PPFIBP1: variants seen among roughly 807,000 people sequenced by gnomAD.
PPFIBP1 encodes PPFIB scaffold protein 1.
Under a neutral mutation model 137.8 loss-of-function variants are expected in PPFIBP1, and 112 were observed. The observed-to-expected ratio is 0.81, with a 90% CI of 0.70 to 0.95. The LOEUF is 0.95. Among genes scored for constraint, PPFIBP1 ranks in the 40% least tolerant of loss-of-function variants. The probability of loss-of-function intolerance (pLI) is 0.00; values close to 1 mark genes in which losing one functional copy is unlikely to be tolerated. For synonymous variants in PPFIBP1, 378 were observed against 417.3 expected, an observed-to-expected ratio of 0.91 and a Z score of 1.15; for missense variants, 1,083 against 1,196.6, an observed-to-expected ratio of 0.91 and a Z score of 1.40.
chr12:27,670,794 A>AAATAATAATAAT (rs1555238677), intron 13 of PPFIBP1, among the ~76,000 whole-genome samples: 9 of 139,420 alleles, frequency 6.5e-5, no homozygotes, highest in African/African-American at 2.4e-4. Flanking sequence ...AAAAAAAAAA[A>AAATAATAATAAT]AATAATAATA....
intron 2 of PPFIBP1, among the ~76,000 whole-genome samples, chr12:27,600,467 A>G (rs910999433): frequency 6.6e-6 from 1 of 152,030 alleles, no homozygotes; most frequent in Non-Finnish European, 1.5e-5. Context: ...AGAAGAATAC[A>G]TTAACATACA....
At chr12:27,530,548 G>A (rs1362964726) in intron 1 of PPFIBP1, among the ~76,000 whole-genome samples, 2 of 152,192 alleles carry the variant, frequency 1.3e-5, no homozygotes, top group Non-Finnish European at 2.9e-5. Flanking sequence ...AAGGGAATTT[G>A]ATTCTCTAGG....
intron 24 of PPFIBP1, among the ~76,000 whole-genome samples, chr12:27,683,290 C>T (rs2060993430): frequency 1.3e-5 from 2 of 152,208 alleles, no homozygotes; most frequent in Non-Finnish European, 2.9e-5. Context: ...GTCTCAAACT[C>T]CTGACCTCAA....
Position 27,677,072 on chromosome 12 carries a change from CG to C in PPFIBP1, c.1592del (p.Arg531GlnfsTer8). 1 of 1,614,154 alleles carries C rather than the reference CG, an allele frequency of 6.2e-7. No individual in the cohort carries two copies. On this transcript the variant is annotated frameshift_variant, in exon 19 of 30. Transcript: ENST00000228425. LOFTEE classifies it high-confidence loss of function. Reference protein sequence around the residue: ...TASAPNLDRKRSASAPTLAET... With the variant: ...TASAPNLDRKXSASAPTLAET... ...TGTTGGGATATCTGAAGATCGTAAACGAAGTGCCAGTGCACCCACCCTAGGT... is the reference window on the plus strand; with the variant it reads ...TGTTGGGATATCTGAAGATCGTAAACAAGTGCCAGTGCACCCACCCTAGGT...
chr12:27,567,729 A>G (rs1269083501), intron 1 of PPFIBP1, among the ~76,000 whole-genome samples: 1 of 152,216 alleles, frequency 6.6e-6, no homozygotes, highest in South Asian at 2.1e-4. Flanking sequence ...AACTTAAGCA[A>G]TAAATTAATT....
At chr12:27,672,396 T>TA (rs1401737651) in intron 14 of PPFIBP1, 31 bp from the exon 15 acceptor site, 1 of 1,560,710 alleles carries the variant, frequency 6.4e-7, no homozygotes. Context: ...TTCGTGAAGT[T>TA]AATAAATACC....
In PPFIBP1 at chr12:27,559,273, G is replaced by A. The variant is rs567665691; in HGVS notation, c.-123-18879G>A. Among the ~76,000 whole-genome samples the A allele has an allele frequency of 8.6e-5, 13 of 151,946 alleles. 1 individual carries two copies. The highest frequency in any genetic ancestry group is 1.9e-4 in the African/African-American group (8 of 41,432). ...AAGCCCCGCCTCCCAGGTTCATGCC[G>A]TTCTCCTGCCTCAGCCTGCTGAGTA... On this transcript the variant is annotated intron_variant, in intron 1 of 29. Transcript: ENST00000228425.
At chr12:27,644,244 G>GTTTTTTTTTTTTTTTTTTTTTTTT (rs3842650) in intron 4 of PPFIBP1, among the ~76,000 whole-genome samples, 41 of 117,758 alleles carry the variant, frequency 3.5e-4, no homozygotes, top group Non-Finnish European at 5.4e-4. Flanking sequence ...GCTTGGCTAA[G>GTTTTTTTTTTTTTTTTTTTTTTTT]TTTTTTTTTT....
intron 2 of PPFIBP1, chr12:27,593,966 A>G (rs754675227): frequency 8.2e-5 from 117 of 1,428,440 alleles, no homozygotes; most frequent in Non-Finnish European, 1.0e-4. Context: ...GAAATAGCCC[A>G]CAGAGAGGAT....
chr12:27,631,238 C>T (rs1018830283), intron 2 of PPFIBP1, among the ~76,000 whole-genome samples: 4 of 152,016 alleles, frequency 2.6e-5, no homozygotes, highest in Admixed American at 2.6e-4. Context: ...ATCCTCATGC[C>T]TCCTATTTTT....
chr12:27,674,811 ATTTT>A (rs72418237), intron 17 of PPFIBP1, among the ~76,000 whole-genome samples: 1,437 of 108,724 alleles, frequency 0.013, 70 homozygotes, highest in Admixed American at 0.12. Flanking sequence ...CTTTCCCCTG[ATTTT>A]TTTTTTTTTT....
chr12:27,559,914 G>C (rs1011781866), intron 1 of PPFIBP1, among the ~76,000 whole-genome samples: 22 of 152,176 alleles, frequency 1.4e-4, no homozygotes, highest in African/African-American at 5.1e-4. Flanking sequence ...TGCTGAAGCT[G>C]TTTCTTTCTC....
rs556355260 is a variant in PPFIBP1, at chr12:27,557,000, T to A, written c.-123-21152T>A. 7.9e-5 allele frequency among the ~76,000 whole-genome samples: 12 copies of A among 152,142 alleles called. No homozygotes were observed. In the East Asian group the frequency reaches 2.1e-3, roughly 27 times the overall value. ...TCTTGAAATAGGTCTTACTGATATGTCTAAGTGGCTTGGATTTTGTTTAAT... is the reference window on the plus strand; with the variant it reads ...TCTTGAAATAGGTCTTACTGATATGACTAAGTGGCTTGGATTTTGTTTAAT... On this transcript the variant is annotated intron_variant, in intron 1 of 29. Coordinates refer to ENST00000228425, the MANE Select transcript of PPFIBP1 (RefSeq NM_003622.4).
intron 1 of PPFIBP1, among the ~76,000 whole-genome samples, chr12:27,567,644 A>T (rs1004103029): frequency 3.3e-5 from 5 of 152,182 alleles, no homozygotes; most frequent in Non-Finnish European, 7.3e-5. Context: ...TCATTGTCTT[A>T]ATCTACTTAT....
chr12:27,690,843 A>G lies in PPFIBP1; in HGVS notation c.2686-906A>G, dbSNP rs557232861. ...ATGATTGAAGGTGGGCCAGAAGAGAATGGGTATTTCCTAGTTTACCTGGAT... is the reference window on the plus strand; with the variant it reads ...ATGATTGAAGGTGGGCCAGAAGAGAGTGGGTATTTCCTAGTTTACCTGGAT... On this transcript the variant is annotated intron_variant, in intron 27 of 29. Transcript: ENST00000228425. Among the ~76,000 whole-genome samples the G allele has an allele frequency of 2.9e-4, 44 of 152,256 alleles. No individual in the cohort carries two copies. In the Middle Eastern group the frequency reaches 0.024, roughly 82 times the overall value.
At chr12:27,528,349 A>C (rs1259908616) in intron 1 of PPFIBP1, among the ~76,000 whole-genome samples, 1 of 152,242 alleles carries the variant, frequency 6.6e-6, no homozygotes, top group Non-Finnish European at 1.5e-5. Context: ...TCAGTTATCA[A>C]ACTGTCCAAA....
intron 13 of PPFIBP1, 102 bp from the exon 14 acceptor site, chr12:27,671,329 T>G (rs1023231383): frequency 3.1e-6 from 2 of 636,190 alleles, no homozygotes; most frequent in East Asian, 3.0e-5. Flanking sequence ...GATTATGAGA[T>G]TTTGTCAATA....
chr12:27,607,931 T>A (rs1190067792), intron 2 of PPFIBP1, among the ~76,000 whole-genome samples: 2 of 35,682 alleles, frequency 5.6e-5, no homozygotes, highest in African/African-American at 1.9e-4. Context: ...TTTTCTTTCC[T>A]AATTGAGGTT....
chr12:27,639,899 A>G (rs1200293395), intron 4 of PPFIBP1, among the ~76,000 whole-genome samples: 1 of 152,150 alleles, frequency 6.6e-6, no homozygotes, highest in East Asian at 1.9e-4. Flanking sequence ...AGCCCCACGA[A>G]GCAGTCCCCG....
Sources: gnomAD v4.1 joint callset for allele counts (sites outside exome capture counted in the v4.1 genomes callset) on GRCh38, gnomAD v4.1.1 for gene constraint, MANE v1.5 for transcripts, NCBI Gene and HGNC (gene_info 2026-07-23, HGNC 2026-07-21) for gene names.